NEURL4: variants seen among roughly 807,000 people sequenced by gnomAD.
The protein encoded by NEURL4 is neuralized E3 ubiquitin protein ligase 4.
Under a neutral mutation model 148.0 loss-of-function variants are expected in NEURL4, and 45 were observed. The ratio of observed to expected loss-of-function variants is 0.30; its 90% CI spans 0.24 to 0.39. The LOEUF (loss-of-function observed/expected upper bound fraction) is 0.39, where lower values mean the gene tolerates loss of function less well. NEURL4 is among the 10% of genes least tolerant of loss of function. The pLI, the probability that NEURL4 is intolerant of heterozygous loss-of-function variation, is 1.00. For missense variants in NEURL4, 1,776 were observed against 2,144.0 expected (o/e 0.83, Z 3.39); for synonymous variants, 854 against 869.0 (o/e 0.98, Z 0.30).
rs371490702 is a variant in NEURL4, at chr17:7,321,220, G to A, written c.3252C>T (p.Val1084=). 4.3e-6 allele frequency: 7 copies of A among 1,613,902 alleles called. No homozygotes were observed. In the East Asian group the frequency reaches 1.6e-4, roughly 36 times the overall value. ...LYGPVRGVSI[V]SSTRLEESEG... is the part of the protein sequence containing the mutation. ...CTGACTCCTCCAGTCTCGTGGAACT[G>A]ACAATTGACACACCGCGGACTGGCC... Residue 1084 remains valine (V), a synonymous_variant, in exon 20 of 29, where the codon GTC becomes GTT. Transcript: ENST00000399464. This position sits in a 1 kb window ranked among gnomAD's most constrained non-coding sequence, Gnocchi z 6.3.
chr17:7,325,144 T>TGGGGGGGGGGGGGGGGGGGGGGGG, intron 8 of NEURL4, 65 bp downstream of exon 8: 104 of 956,438 alleles, frequency 1.1e-4, no homozygotes, highest in Non-Finnish European at 1.5e-4. Context: ...TCCACTTCCT[T>TGGGGGGGGGGGGGGGGGGGGGGGG]GCCCCGCCCC....
Position 7,324,416 on chromosome 17 carries a change from C to T in NEURL4, c.1878G>A (p.Gly626=), listed in dbSNP as rs1597637050. ...HNGTTILDEY[G]HNLDRLKAGD... ...CCACCTTGAGGCGGTCCAGATTGTG[C>T]CCGTATTCATCCAGGATGGTCGTCC... Residue 626 remains glycine, a synonymous_variant, in exon 10 of 29, where the codon GGG becomes GGA. Transcript: ENST00000399464. The surrounding 1 kb of genome is among the most constrained non-coding windows in gnomAD (Gnocchi z 5.9). 9 of 1,614,040 alleles carry T rather than the reference C, an allele frequency of 5.6e-6. No individual in the cohort carries two copies. The Admixed American group carries it at 1.2e-4, about 21-fold the overall frequency.
chr17:7,325,859 A>G, intron 6 of NEURL4, 146 bp from the exon 7 acceptor site: 1 of 702,610 alleles, frequency 1.4e-6, no homozygotes. Flanking sequence ...CAGACATGAC[A>G]ATTTCCACAT....
chr17:7,324,274 GGAA>G lies in NEURL4; in HGVS notation c.1900-7_1900-5del. On this transcript the variant is annotated splice_region_variant and splice_polypyrimidine_tract_variant and intron_variant, in intron 10 of 28. Transcript: ENST00000399464. The surrounding 1 kb of genome is among the most constrained non-coding windows in gnomAD (Gnocchi z 5.9). ...CCACGCCCACCGTGTCCCCTGCCTTGGAAGAAGGGGGTGCTGGAGTGAGGAGTC... is the reference window on the plus strand; with the variant it reads ...CCACGCCCACCGTGTCCCCTGCCTTGGAAGGGGGTGCTGGAGTGAGGAGTC... 1 of 1,613,886 alleles carries G rather than the reference GGAA, an allele frequency of 6.2e-7. No individual in the cohort carries two copies. The highest frequency in any genetic ancestry group is 8.5e-7 in the Non-Finnish European group (1 of 1,179,884).
chr17:7,325,908 C>T (rs532149510), intron 6 of NEURL4, among the ~76,000 whole-genome samples, 195 bp from the exon 7 acceptor site: 1 of 152,248 alleles, frequency 6.6e-6, no homozygotes, highest in East Asian at 1.9e-4. Flanking sequence ...CTGAGTTAAA[C>T]CACCTCACAG....
In NEURL4 at chr17:7,326,540, G is replaced by A. The variant is rs1422588617; in HGVS notation, c.1101C>T (p.Ile367=). 5 of 1,613,998 alleles carry A rather than the reference G, an allele frequency of 3.1e-6. No individual in the cohort carries two copies. The highest frequency in any genetic ancestry group is 1.1e-5 in the South Asian group (1 of 91,056). ...CTGACCACTTATCAACAAGCTTGTC[G>A]ATACGGATCTGGCATTGAGGGACAG... ...LRDNEMFEIR[I]DKLVDKWSGS... is the part of the protein sequence containing the mutation. Residue 367 remains isoleucine, a synonymous_variant, in exon 5 of 29, where the codon ATC becomes ATT. Transcript: ENST00000399464. The surrounding 1 kb of genome is among the most constrained non-coding windows in gnomAD (Gnocchi z 6.0).
Position 7,318,260 on chromosome 17 carries a change from C to A in NEURL4, c.3952+9G>T, listed in dbSNP as rs778818817. 74 of 1,613,870 alleles carry A rather than the reference C, an allele frequency of 4.6e-5. No individual in the cohort carries two copies. Among genetic ancestry groups the A allele is most frequent in the Non-Finnish European group, 6.2e-5 (73 of 1,179,864 alleles). On this transcript the variant is annotated intron_variant, in intron 24 of 28. Coordinates refer to ENST00000399464, the MANE Select transcript of NEURL4 (RefSeq NM_032442.3). The surrounding 1 kb of genome is among the most constrained non-coding windows in gnomAD (Gnocchi z 4.3). ...GGGGCAGGAGCTGGGTCCCTTTGGG[C>A]TGGCACACCGTCCACCATGTCTGCT... is the stretch of plus-strand genomic sequence containing the variant.
At position 7,327,996 on chromosome 17, in the gene NEURL4, T is replaced by A; in HGVS notation, c.283-112A>T. 2.5e-6 allele frequency: 2 copies of A among 810,592 alleles called. No individual in the cohort carries two copies. The highest frequency in any genetic ancestry group is 3.8e-6 in the Non-Finnish European group (2 of 526,978). The allele number at this position is 810,592 out of a possible 1,614,324, so 50.2% of individuals were successfully genotyped here. A position where few individuals can be genotyped will look rare whatever the true frequency, so the allele number is the denominator to read the frequency against. On this transcript the variant is annotated intron_variant, in intron 1 of 28. Transcript: ENST00000399464. This position sits in a 1 kb window ranked among gnomAD's most constrained non-coding sequence, Gnocchi z 6.6. Reference sequence around the variant, plus strand: ...GCTGGCTTTCTGTCTCTTGGAACACTAATCCAGAGATGCAGACAGTGATTT... The same window carrying A: ...GCTGGCTTTCTGTCTCTTGGAACACAAATCCAGAGATGCAGACAGTGATTT...
rs1000447524 is a variant in NEURL4, at chr17:7,321,540, C to A, written c.3099+20G>T. The A allele has an allele frequency of 6.2e-7, 1 of 1,613,616 alleles. No homozygotes were observed. The highest frequency in any genetic ancestry group is 8.5e-7 in the Non-Finnish European group (1 of 1,179,764). On this transcript the variant is annotated intron_variant, in intron 18 of 28. Transcript: ENST00000399464. The surrounding 1 kb of genome is among the most constrained non-coding windows in gnomAD (Gnocchi z 6.3). ...CTCCACTCCCAACCCCTCCCCTGTC[C>A]CTGGAGCCAGCCACTTCACCCCCAG...
rs751399777 is a variant in NEURL4, at chr17:7,324,134, G to A, written c.2036C>T (p.Ala679Val). 1.2e-6 allele frequency: 2 copies of A among 1,613,342 alleles called. No homozygotes were observed. Among genetic ancestry groups the A allele is most frequent in the East Asian group, 2.2e-5 (1 of 44,860 alleles). ...CACGTCGTCCACAATGGTGGCCTGGGCCGCCTGGCCATAGAGATCGACGAC... is the reference window on the plus strand; with the variant it reads ...CACGTCGTCCACAATGGTGGCCTGGACCGCCTGGCCATAGAGATCGACGAC... ...YAVVDLYGQA[A>V]QATIVDDVEV... Residue 679 changes from alanine to valine, a missense_variant, in exon 11 of 29, where the codon GCC becomes GTC. Transcript: ENST00000399464. The surrounding 1 kb of genome is among the most constrained non-coding windows in gnomAD (Gnocchi z 5.9).
chr17:7,320,430 C>T lies in NEURL4; in HGVS notation c.3525+329G>A, dbSNP rs371950749. Reference sequence around the variant, plus strand: ...GATTACAGGTATGAGCCACCGCACCCGGGCTCAGCTGGCTAACTTTCACAT... The same window carrying T: ...GATTACAGGTATGAGCCACCGCACCTGGGCTCAGCTGGCTAACTTTCACAT... On this transcript the variant is annotated intron_variant, in intron 21 of 28. Coordinates refer to ENST00000399464, the MANE Select transcript of NEURL4 (RefSeq NM_032442.3). 1.5e-4 allele frequency among the ~76,000 whole-genome samples: 23 copies of T among 152,262 alleles called. No homozygotes were observed. In the South Asian group the frequency reaches 1.7e-3, roughly 11 times the overall value.
In NEURL4 at chr17:7,321,281, G is replaced by A. The variant is rs1157331890; in HGVS notation, c.3199-8C>T. 3.1e-6 allele frequency: 5 copies of A among 1,613,034 alleles called. No individual in the cohort carries two copies. The Admixed American group carries it at 5.0e-5, about 16-fold the overall frequency. On this transcript the variant is annotated splice_region_variant and splice_polypyrimidine_tract_variant and intron_variant, in intron 19 of 28. Coordinates refer to ENST00000399464, the MANE Select transcript of NEURL4 (RefSeq NM_032442.3). The surrounding 1 kb of genome is among the most constrained non-coding windows in gnomAD (Gnocchi z 6.3). ...CAACACAGCCCACACGTTCTGGGAG[G>A]CACACAAGACCCAGAAAATCAGAGA...
rs1386574845 is a variant in NEURL4, at chr17:7,316,069, C to CA, written c.*53dup. On this transcript the variant is annotated 3_prime_UTR_variant, in exon 29 of 29. Transcript: ENST00000399464. ...GAATGAGGTGGAGGCAGTCGCCACT[C>CA]AGAGTCCATGGGCCCGCGGCCCGAC... 1.0e-4 allele frequency: 100 copies of CA among 958,386 alleles called. No individual in the cohort carries two copies. The highest frequency in any genetic ancestry group is 4.6e-4 in the Middle Eastern group (2 of 4,374). The allele number at this position is 958,386 out of a possible 1,614,324, so 59.4% of individuals were successfully genotyped here.
Position 7,327,172 on chromosome 17 carries a change from C to G in NEURL4, c.786G>C (p.Ser262=), listed in dbSNP as rs759026242. 2.5e-6 allele frequency: 4 copies of G among 1,612,022 alleles called. No homozygotes were observed. The highest frequency in any genetic ancestry group is 1.7e-4 in the Middle Eastern group (1 of 6,058). ...CCTCCCCAAAGCCCTCACCATTATG[C>G]GACTCAAGGCTGTTAGGAAACGTCT... ...RPETFPNSLE[S]HNDFANMELS... is the part of the protein sequence containing the mutation. Residue 262 remains serine (S), a synonymous_variant, in exon 3 of 29, where the codon TCG becomes TCC. Transcript: ENST00000399464. The surrounding 1 kb of genome is among the most constrained non-coding windows in gnomAD (Gnocchi z 6.6).
chr17:7,324,869 A>T lies in NEURL4; in HGVS notation c.1743T>A (p.Ile581=), dbSNP rs762229895. ...GGTTGTGGGTGGTGACACCAATTTCAATGGAGCCAGCCCATTTGTCCACCA... is the reference window on the plus strand; with the variant it reads ...GGTTGTGGGTGGTGACACCAATTTCTATGGAGCCAGCCCATTTGTCCACCA... ...DKMVDKWAGS[I]EIGVTTHNPA... is the part of the protein sequence containing the mutation. Residue 581 remains isoleucine, a synonymous_variant, in exon 9 of 29, where the codon ATT becomes ATA. Coordinates refer to ENST00000399464, the MANE Select transcript of NEURL4 (RefSeq NM_032442.3). The surrounding 1 kb of genome is among the most constrained non-coding windows in gnomAD (Gnocchi z 5.9). 6.2e-7 allele frequency: 1 copy of T among 1,614,094 alleles called. No individual in the cohort carries two copies. Among genetic ancestry groups the T allele is most frequent in the South Asian group, 1.1e-5 (1 of 91,084 alleles).
Position 7,327,613 on chromosome 17 carries a change from A to G in NEURL4, c.554T>C (p.Leu185Pro). The change falls in exon 2 of 29, where the codon CTG becomes CCG. Residue 185 changes from leucine to proline, a missense_variant. Transcript: ENST00000399464. The surrounding 1 kb of genome is among the most constrained non-coding windows in gnomAD (Gnocchi z 6.6). ...GRDCGVAATG[L>P]PPRVWAVVDL... ...CACGACGGCCCAGACACGAGGGGGC[A>G]GGCCTGTGGCAGCCACACCGCAATC... The G allele has an allele frequency of 6.2e-7, 1 of 1,612,824 alleles. No individual in the cohort carries two copies.
At chr17:7,317,655 C>G in intron 26 of NEURL4, 82 bp from the exon 27 acceptor site, 1 of 1,557,150 alleles carries the variant, frequency 6.4e-7, no homozygotes, top group Non-Finnish European at 8.8e-7. Flanking sequence ...CTTCCTTAGA[C>G]AGGAAGTCCC....
intron 21 of NEURL4, 21 bp from the exon 22 acceptor site, chr17:7,319,229 C>CCATAAT (rs762910281): frequency 1.9e-6 from 3 of 1,596,012 alleles, no homozygotes. Flanking sequence ...AAGAACTACT[C>CCATAAT]CATAATCACA....
At chr17:7,323,218 TG>T (rs1450789184) in intron 14 of NEURL4, 95 bp from the exon 15 acceptor site, 1 of 1,357,380 alleles carries the variant, frequency 7.4e-7, no homozygotes, top group Non-Finnish European at 1.0e-6. Flanking sequence ...TCCAATGTCT[TG>T]GGCTGGTGTC....
Sources: gnomAD v4.1 joint callset for allele counts (sites outside exome capture counted in the v4.1 genomes callset) on GRCh38, gnomAD v4.1.1 for gene constraint, Gnocchi (gnomAD v3.1) non-coding constraint, MANE v1.5 for transcripts, NCBI Gene and HGNC (gene_info 2026-07-23, HGNC 2026-07-21) for gene names.